Variants in GAREM1 observed in about 807,000 individuals in gnomAD.
The protein encoded by GAREM1 is GRB2-associated and regulator of MAPK protein 1.
GAREM1 carries 26 observed loss-of-function variants against 71.3 expected under a neutral mutation model. That is an observed-to-expected ratio of 0.36 (90% CI 0.27 to 0.51). The LOEUF is 0.51. Among genes scored for constraint, GAREM1 ranks in the 20% least tolerant of loss-of-function variants. The pLI, the probability that GAREM1 is intolerant of heterozygous loss-of-function variation, is 0.95. For missense variants in GAREM1, 1,026 were observed against 1,103.1 expected, an observed-to-expected ratio of 0.93 and a Z score of 0.99; for synonymous variants, 440 against 433.2, an observed-to-expected ratio of 1.02 and a Z score of -0.20.
At chr18:32,367,307 G>GTA (rs1311037116) in intron 2 of GAREM1, among the ~76,000 whole-genome samples, 1 of 152,128 alleles carries the variant, frequency 6.6e-6, no homozygotes, top group Non-Finnish European at 1.5e-5. Context: ...TGGTTGGCAG[G>GTA]TATATATATG....
intron 1 of GAREM1, among the ~76,000 whole-genome samples, chr18:32,439,559 C>A (rs972221238): frequency 6.6e-6 from 1 of 152,052 alleles, no homozygotes; most frequent in African/African-American, 2.4e-5. Context: ...GCAGGTTGGA[C>A]CTTATCCTGG....
chr18:32,346,605 G>A (rs2047699441), intron 2 of GAREM1, among the ~76,000 whole-genome samples: 1 of 152,162 alleles, frequency 6.6e-6, no homozygotes, highest in Admixed American at 6.5e-5. Context: ...TTCAGGGTAG[G>A]AGAACAAATG....
intron 3 of GAREM1, among the ~76,000 whole-genome samples, chr18:32,296,860 T>C (rs1172658709): frequency 6.6e-6 from 1 of 152,140 alleles, no homozygotes; most frequent in Non-Finnish European, 1.5e-5. Context: ...AGTTATTTTA[T>C]TCTCTTGACT....
At chr18:32,355,876 C>T (rs1371249232) in intron 2 of GAREM1, among the ~76,000 whole-genome samples, 1 of 152,116 alleles carries the variant, frequency 6.6e-6, no homozygotes, top group Non-Finnish European at 1.5e-5. Flanking sequence ...CAGGAAAATT[C>T]CATATACAGT....
chr18:32,400,776 A>G (rs2048306933), intron 1 of GAREM1, among the ~76,000 whole-genome samples: 2 of 152,200 alleles, frequency 1.3e-5, no homozygotes, highest in South Asian at 2.1e-4. Flanking sequence ...CGATTCCTCA[A>G]GGATCTAGAA....
chr18:32,267,646 T>C lies in GAREM1; in HGVS notation c.*225A>G, dbSNP rs1245058098. 5 of 435,428 alleles carry C rather than the reference T, an allele frequency of 1.1e-5. No individual in the cohort carries two copies. Among genetic ancestry groups the C allele is most frequent in the African/African-American group, 1.0e-4 (5 of 50,210 alleles). The allele number at this position is 435,428 out of a possible 1,614,324, so 27.0% of individuals were successfully genotyped here. On this transcript the variant is annotated 3_prime_UTR_variant, in exon 6 of 6. Coordinates refer to ENST00000269209, the MANE Select transcript of GAREM1 (RefSeq NM_001242409.2). The stretch of plus-strand genomic sequence containing the variant: ...CTTTTAGCAGCTGCTGAGTGTTTGT[T>C]GAGTGACGTACAAGGCACACCTCCA...
rs561368438 is a variant in GAREM1, at chr18:32,400,214, A to G, written c.122-7179T>C. ...CTTACATGTTAGACCTAAAACCATA[A>G]AAACCCTAGAAGAAAACCTAGGCAA... is the stretch of plus-strand genomic sequence containing the variant. On this transcript the variant is annotated intron_variant, in intron 1 of 5. Transcript: ENST00000269209. Among the ~76,000 whole-genome samples, 279 of 152,358 alleles carry G rather than the reference A, an allele frequency of 1.8e-3. 1 individual carries two copies. The highest frequency in any genetic ancestry group is 6.2e-3 in the African/African-American group (259 of 41,586).
At chr18:32,277,488 A>G (rs1008371072) in intron 4 of GAREM1, among the ~76,000 whole-genome samples, 9 of 152,208 alleles carry the variant, frequency 5.9e-5, no homozygotes, top group Non-Finnish European at 1.2e-4. Context: ...TTAACAGTGA[A>G]AGCAAAGATG....
intron 5 of GAREM1, among the ~76,000 whole-genome samples, chr18:32,269,665 G>GT (rs917991249): frequency 4.4e-4 from 67 of 151,486 alleles, no homozygotes; most frequent in Middle Eastern, 3.4e-3. Context: ...AATAAAGGGT[G>GT]TTTTTTTTTA....
chr18:32,433,579 A>T (rs2048645248), intron 1 of GAREM1, among the ~76,000 whole-genome samples: 1 of 152,084 alleles, frequency 6.6e-6, no homozygotes, highest in Non-Finnish European at 1.5e-5. Flanking sequence ...CTATTTTTTA[A>T]GTTCCTGGAA....
intron 2 of GAREM1, among the ~76,000 whole-genome samples, chr18:32,317,393 C>T (rs1460376055): frequency 1.4e-5 from 1 of 72,594 alleles, no homozygotes; most frequent in African/African-American, 4.7e-5. Flanking sequence ...CGCTCTGTCA[C>T]AAAAAAAAAA....
rs149773900 is a variant in GAREM1, at chr18:32,369,837, T to A, written c.262+23058A>T. Among the ~76,000 whole-genome samples the A allele has an allele frequency of 7.7e-4, 117 of 152,350 alleles. 1 individual carries two copies. The East Asian group carries it at 0.018, about 24-fold the overall frequency. On this transcript the variant is annotated intron_variant, in intron 2 of 5. Transcript: ENST00000269209. ...CCTCTGGATATGGATTTGTCCATAT[T>A]ATGTAGACAGTAATGCGCAGATGAC... is the stretch of plus-strand genomic sequence containing the variant.
chr18:32,426,128 C>T (rs1248899824), intron 1 of GAREM1, among the ~76,000 whole-genome samples: 5 of 152,158 alleles, frequency 3.3e-5, no homozygotes, highest in African/African-American at 1.2e-4. Flanking sequence ...GAGCAATTCT[C>T]CCGCCTCAGC....
intron 2 of GAREM1, among the ~76,000 whole-genome samples, chr18:32,378,012 C>G (rs79700178): frequency 7.6e-6 from 1 of 131,814 alleles, no homozygotes; most frequent in Admixed American, 7.4e-5. Context: ...TACTATATAA[C>G]TGTGTGTGTG....
chr18:32,390,683 TC>T (rs1330916776), intron 2 of GAREM1, among the ~76,000 whole-genome samples: 1 of 152,222 alleles, frequency 6.6e-6, no homozygotes, highest in East Asian at 1.9e-4. Context: ...GCTGGATGGT[TC>T]TTTTAAAAAG....
chr18:32,428,618 C>T (rs2048596441), intron 1 of GAREM1, among the ~76,000 whole-genome samples: 1 of 152,134 alleles, frequency 6.6e-6, no homozygotes, highest in South Asian at 2.1e-4. Flanking sequence ...ACCATGCTTC[C>T]CATATTGCTG....
Position 32,309,089 on chromosome 18 carries a change from T to C in GAREM1, c.393+1104A>G. On this transcript the variant is annotated intron_variant, in intron 3 of 5. Coordinates refer to ENST00000269209, the MANE Select transcript of GAREM1 (RefSeq NM_001242409.2). ...ATCTTGAAATGTTTGGAAAATGTGA[T>C]TTAGGTGGACTTTGGGCTGAAATGA... 1.3e-5 allele frequency among the ~76,000 whole-genome samples: 2 copies of C among 150,200 alleles called. 1 individual carries two copies. The highest frequency in any genetic ancestry group is 3.0e-5 in the Non-Finnish European group (2 of 67,532).
chr18:32,366,139 C>G (rs1443565527), intron 2 of GAREM1, among the ~76,000 whole-genome samples: 1 of 152,128 alleles, frequency 6.6e-6, no homozygotes, highest in Non-Finnish European at 1.5e-5. Context: ...CCTCACTCCA[C>G]CCTGCCCACC....
At chr18:32,300,053 C>G (rs1188435894) in intron 3 of GAREM1, among the ~76,000 whole-genome samples, 2 of 152,050 alleles carry the variant, frequency 1.3e-5, no homozygotes, top group African/African-American at 4.8e-5. Flanking sequence ...AAATTTTGTT[C>G]AAGTACTTTC....
Sources: gnomAD v4.1 joint callset for allele counts (sites outside exome capture counted in the v4.1 genomes callset) on GRCh38, gnomAD v4.1.1 for gene constraint, MANE v1.5 for transcripts, NCBI Gene and HGNC (gene_info 2026-07-23, HGNC 2026-07-21) for gene names.